The following THSD4 variants were observed in gnomAD, a reference collection of about 807,000 sequenced individuals.
THSD4 encodes thrombospondin type-1 domain-containing protein 4.
In THSD4, 69 loss-of-function variants were observed where a neutral mutation model predicts 119.0. That is an observed-to-expected ratio of 0.58 (90% CI 0.48 to 0.71). THSD4 has a LOEUF of 0.71. THSD4 is among the 30% of genes least tolerant of loss of function. THSD4 has a pLI of 0.00. For synonymous variants in THSD4, 524 were observed against 540.4 expected (o/e 0.97, Z 0.42); for missense variants, 1,393 against 1,391.1 (o/e 1.00, Z -0.02).
At chr15:71,390,284 A>G (rs2046359960) in intron 6 of THSD4, among the ~76,000 whole-genome samples, 1 of 152,134 alleles carries the variant, frequency 6.6e-6, no homozygotes, top group South Asian at 2.1e-4. Context: ...CTGTCTTTTG[A>G]TGTTATCTGA....
intron 7 of THSD4, among the ~76,000 whole-genome samples, chr15:71,593,763 G>A (rs937879944): frequency 7.9e-5 from 12 of 152,182 alleles, no homozygotes; most frequent in East Asian, 3.9e-4. Flanking sequence ...AATTAGCCAG[G>A]CATGGTGGCA....
chr15:71,386,280 A>G (rs1157968130), intron 6 of THSD4, among the ~76,000 whole-genome samples: 1 of 152,236 alleles, frequency 6.6e-6, no homozygotes, highest in African/African-American at 2.4e-5. Context: ...TCATGCTGTG[A>G]GCAGCTAAGA....
chr15:71,647,650 C>A (rs566412782), intron 7 of THSD4, among the ~76,000 whole-genome samples: 2 of 152,284 alleles, frequency 1.3e-5, no homozygotes, highest in South Asian at 4.1e-4. Flanking sequence ...TTATAAATAT[C>A]TCTCAACTTG....
At chr15:71,407,617 A>G (rs2046625991) in intron 6 of THSD4, among the ~76,000 whole-genome samples, 1 of 149,572 alleles carries the variant, frequency 6.7e-6, no homozygotes, top group African/African-American at 2.5e-5. Context: ...TCATGGTCAG[A>G]GGGCTTTTAA....
At chr15:71,636,886 T>C (rs2050755311) in intron 7 of THSD4, among the ~76,000 whole-genome samples, 1 of 151,964 alleles carries the variant, frequency 6.6e-6, no homozygotes, top group South Asian at 2.1e-4. Context: ...TCAATATTTT[T>C]TTCTTTTTTT....
At chr15:71,776,946 G>A (rs969424794) in intron 17 of THSD4, among the ~76,000 whole-genome samples, 3 of 152,192 alleles carry the variant, frequency 2.0e-5, no homozygotes, top group Non-Finnish European at 2.9e-5. Context: ...GATAAGAAAC[G>A]CCAAATTTGG....
chr15:71,583,938 C>G (rs138300329), intron 7 of THSD4, among the ~76,000 whole-genome samples: 3 of 152,208 alleles, frequency 2.0e-5, no homozygotes, highest in African/African-American at 7.2e-5. Flanking sequence ...ATGTGTTGTT[C>G]AAGTCCACTG....
chr15:71,543,174 T>C (rs2048786321), intron 7 of THSD4, among the ~76,000 whole-genome samples: 1 of 152,200 alleles, frequency 6.6e-6, no homozygotes, highest in Non-Finnish European at 1.5e-5. Context: ...CATAGTTATG[T>C]AAGATGTTAA....
intron 8 of THSD4, among the ~76,000 whole-genome samples, chr15:71,726,237 G>A (rs187632022): frequency 2.4e-4 from 37 of 152,332 alleles, no homozygotes; most frequent in Admixed American, 1.2e-3. Context: ...CTGCAGCCAT[G>A]GCACCAGCCA....
intron 6 of THSD4, among the ~76,000 whole-genome samples, chr15:71,262,669 C>T (rs1005547385): frequency 1.3e-5 from 2 of 152,000 alleles, no homozygotes; most frequent in Admixed American, 6.6e-5. Flanking sequence ...ACTGAAAAGC[C>T]AGAGGGGAGG....
At chr15:71,348,324 G>A (rs1340345997) in intron 6 of THSD4, 1 of 152,190 alleles carries the variant, frequency 6.6e-6, no homozygotes, top group East Asian at 1.9e-4. Flanking sequence ...ATGAACCTGC[G>A]ATTCTGCATT....
At position 71,362,067 on chromosome 15, in the gene THSD4, A is replaced by C. The variant is rs1400390289; in HGVS notation, c.1016-49620A>C. ...CAAGGCAGGTAGATCACTTGAGGTC[A>C]GGAGTTTGAGACCAGCCTGGCCAAC... On this transcript the variant is annotated intron_variant, in intron 6 of 17. Transcript: ENST00000261862. 3.3e-5 allele frequency among the ~76,000 whole-genome samples: 5 copies of C among 152,220 alleles called. 1 individual carries two copies. Among genetic ancestry groups the C allele is most frequent in the Admixed American group, 3.3e-4 (5 of 15,288 alleles).
At chr15:71,475,524 C>G (rs984822420) in intron 7 of THSD4, among the ~76,000 whole-genome samples, 1 of 152,224 alleles carries the variant, frequency 6.6e-6, no homozygotes, top group East Asian at 1.9e-4. Flanking sequence ...TTTAGGAGGT[C>G]TGGGATAGAG....
intron 1 of THSD4, among the ~76,000 whole-genome samples, chr15:71,123,974 A>G (rs1460457039): frequency 1.3e-5 from 2 of 152,214 alleles, no homozygotes; most frequent in East Asian, 3.8e-4. Flanking sequence ...GGGCTCACTC[A>G]TAAATTACCC....
chr15:71,731,095 G>A lies in THSD4; in HGVS notation c.1534-26G>A, dbSNP rs754064071. ...AGGGGTGTGCATACGTGCCAAGTGC[G>A]GTAACACTGATTTTTGTGTCAGCAG... is the stretch of plus-strand genomic sequence containing the variant. On this transcript the variant is annotated intron_variant, in intron 9 of 17. Coordinates refer to ENST00000261862, the MANE Select transcript of THSD4 (RefSeq NM_024817.3). 72 of 1,612,264 alleles carry A rather than the reference G, an allele frequency of 4.5e-5. 2 individuals are homozygous for A. In the South Asian group the frequency reaches 4.9e-4, roughly 11 times the overall value.
chr15:71,104,042 T>C (rs2040264057), intron 1 of THSD4, among the ~76,000 whole-genome samples: 1 of 152,222 alleles, frequency 6.6e-6, no homozygotes, highest in African/African-American at 2.4e-5. Flanking sequence ...CTCAGATAGC[T>C]CCTCCATCCA....
At chr15:71,626,709 C>A (rs979723821) in intron 7 of THSD4, among the ~76,000 whole-genome samples, 1 of 152,176 alleles carries the variant, frequency 6.6e-6, no homozygotes, top group Non-Finnish European at 1.5e-5. Flanking sequence ...CTGATTATAA[C>A]GCATTACCAC....
intron 3 of THSD4, among the ~76,000 whole-genome samples, chr15:71,182,138 C>G (rs1173443190): frequency 6.6e-6 from 1 of 151,858 alleles, no homozygotes; most frequent in Non-Finnish European, 1.5e-5. Context: ...TTAAAGAACT[C>G]TTTTTGGTAT....
At chr15:71,261,807 A>G (rs1036698654) in intron 6 of THSD4, among the ~76,000 whole-genome samples, 10 of 152,248 alleles carry the variant, frequency 6.6e-5, no homozygotes, top group Non-Finnish European at 1.5e-4. Context: ...ACCATGTGTT[A>G]CTAGAAAATA....
Sources: allele counts gnomAD v4.1 joint callset (sites outside exome capture counted in the v4.1 genomes callset), GRCh38; gene constraint gnomAD v4.1.1; transcripts MANE v1.5; gene names NCBI Gene and HGNC (gene_info 2026-07-23, HGNC 2026-07-21).